The following MATCAP2 variants were observed in gnomAD, a reference collection of about 807,000 sequenced individuals.
MATCAP2 encodes microtubule associated tyrosine carboxypeptidase 2.
the MATCAP2 span, among the ~76,000 whole-genome samples, chr7:36,344,100 T>C: frequency 1.3e-5 from 2 of 152,184 alleles, no homozygotes; most frequent in Non-Finnish European, 2.9e-5. Flanking sequence ...AGAAGCACTC[T>C]GAGACACATC....
At chr7:36,351,315 G>T in the MATCAP2 span, among the ~76,000 whole-genome samples, 12 of 152,310 alleles carry the variant, frequency 7.9e-5, no homozygotes, top group Non-Finnish European at 1.6e-4. Context: ...AGAATTGCTT[G>T]AACCTGGGAG....
At chr7:36,372,982 G>A in the MATCAP2 span, among the ~76,000 whole-genome samples, 1 of 152,000 alleles carries the variant, frequency 6.6e-6, no homozygotes, top group Admixed American at 6.6e-5. Context: ...GTGCATGCCT[G>A]TAGTCCCAGC....
At chr7:36,335,113 C>T in the MATCAP2 span, 100 of 1,613,788 alleles carry the variant, frequency 6.2e-5, no homozygotes, top group Non-Finnish European at 8.2e-5. Context: ...TAGTCAGAGT[C>T]GGACATCCAT....
the MATCAP2 span, among the ~76,000 whole-genome samples, chr7:36,359,644 T>C: frequency 2.5e-3 from 374 of 152,324 alleles, 2 homozygotes; most frequent in African/African-American, 8.8e-3. Flanking sequence ...AGACAGGTTG[T>C]ACAAAGAAGC....
At chr7:36,330,970 G>A in the MATCAP2 span, 1 of 1,531,366 alleles carries the variant, frequency 6.5e-7, no homozygotes, top group Non-Finnish European at 9.1e-7. Context: ...ATGTGCCATG[G>A]CTTCTACTCA....
chr7:36,379,223 C>T, the MATCAP2 span, among the ~76,000 whole-genome samples: 2 of 152,180 alleles, frequency 1.3e-5, no homozygotes. Flanking sequence ...TCCTATTTGG[C>T]CATCTTGGAA....
At chr7:36,362,604 C>A in the MATCAP2 span, among the ~76,000 whole-genome samples, 1 of 152,226 alleles carries the variant, frequency 6.6e-6, no homozygotes, top group Non-Finnish European at 1.5e-5. Flanking sequence ...TAACCATGGT[C>A]TATGAGGTCA....
the MATCAP2 span, among the ~76,000 whole-genome samples, chr7:36,333,671 CA>C: frequency 1.3e-5 from 2 of 151,956 alleles, no homozygotes; most frequent in African/African-American, 4.8e-5. Context: ...TGAGATTTTT[CA>C]AAATTGAGCT....
At chr7:36,336,389 A>C in the MATCAP2 span, 3 of 963,246 alleles carry the variant, frequency 3.1e-6, no homozygotes, top group African/African-American at 5.0e-5. Flanking sequence ...GACCTATTCT[A>C]GGTTTATTGA....
the MATCAP2 span, chr7:36,366,842 T>A: frequency 6.6e-7 from 1 of 1,513,814 alleles, no homozygotes; most frequent in Non-Finnish European, 8.8e-7. Flanking sequence ...GTGGCTACCA[T>A]TACCTGAGCC....
the MATCAP2 span, among the ~76,000 whole-genome samples, chr7:36,353,648 T>G: frequency 6.6e-6 from 1 of 151,910 alleles, no homozygotes; most frequent in Non-Finnish European, 1.5e-5. Flanking sequence ...GCCCAGCTAA[T>G]TTTTGTATTT....
At chr7:36,329,216 C>T in the MATCAP2 span, among the ~76,000 whole-genome samples, 1 of 151,954 alleles carries the variant, frequency 6.6e-6, no homozygotes, top group African/African-American at 2.4e-5. Flanking sequence ...TTAAACTATT[C>T]TTGGTTTATT....
At chr7:36,368,202 T>C in the MATCAP2 span, 4 of 152,168 alleles carry the variant, frequency 2.6e-5, no homozygotes, top group African/African-American at 7.2e-5. Flanking sequence ...GAGCTTACAG[T>C]TTAGGAGGAG....
the MATCAP2 span, among the ~76,000 whole-genome samples, chr7:36,332,064 G>A: frequency 6.6e-6 from 1 of 152,038 alleles, no homozygotes; most frequent in Non-Finnish European, 1.5e-5. Context: ...TATATTACTG[G>A]AGTTCAGCAT....
the MATCAP2 span, chr7:36,330,920 C>A: frequency 1.0e-6 from 1 of 956,778 alleles, no homozygotes; most frequent in South Asian, 1.5e-5. Flanking sequence ...TAATGCTAAG[C>A]TTGAGTGAGG....
the MATCAP2 span, chr7:36,368,464 C>A: frequency 2.0e-5 from 3 of 152,234 alleles, no homozygotes; most frequent in Admixed American, 2.0e-4. Context: ...ATTCTGTCTT[C>A]AAATCCTGTG....
At chr7:36,376,125 T>A in the MATCAP2 span, among the ~76,000 whole-genome samples, 7 of 152,326 alleles carry the variant, frequency 4.6e-5, no homozygotes, top group African/African-American at 1.7e-4. Context: ...TTTCTTGCCT[T>A]CTGCTAGCTT....
the MATCAP2 span, chr7:36,367,170 G>A: frequency 8.3e-7 from 1 of 1,205,082 alleles, no homozygotes; most frequent in Non-Finnish European, 1.0e-6. Flanking sequence ...TACACACGGC[G>A]GCCTTACGGT....
At chr7:36,348,976 A>G in the MATCAP2 span, among the ~76,000 whole-genome samples, 1 of 152,202 alleles carries the variant, frequency 6.6e-6, no homozygotes, top group African/African-American at 2.4e-5. Context: ...ACAAAGAAAA[A>G]CACACTTCTC....
Sources: allele counts gnomAD v4.1 joint callset (sites outside exome capture counted in the v4.1 genomes callset), GRCh38; gene constraint gnomAD v4.1.1; transcripts MANE v1.5; gene names NCBI Gene and HGNC (gene_info 2026-07-23, HGNC 2026-07-21).